Variants in KIAA0232 observed in about 807,000 individuals in gnomAD.
KIAA0232 encodes the protein KIAA0232.
KIAA0232 carries 27 observed loss-of-function variants against 122.0 expected under a neutral mutation model. The observed-to-expected ratio is 0.22, with a 90% CI of 0.16 to 0.31. The LOEUF is 0.31. Ranked by LOEUF, KIAA0232 falls within the 10% of genes least tolerant of loss-of-function variation. KIAA0232 has a pLI of 1.00. For missense variants in KIAA0232, 1,551 were observed against 1,634.2 expected (o/e 0.95, Z 0.88); for synonymous variants, 613 against 587.6 (o/e 1.04, Z -0.63).
At chr4:6,846,812 C>T (rs948015304) in intron 4 of KIAA0232, among the ~76,000 whole-genome samples, 24 of 152,014 alleles carry the variant, frequency 1.6e-4, no homozygotes, top group Admixed American at 9.8e-4. Flanking sequence ...GGACCTACAT[C>T]GAAAATTATA....
intron 2 of KIAA0232, among the ~76,000 whole-genome samples, chr4:6,809,186 T>C (rs937918273): frequency 1.3e-5 from 2 of 152,252 alleles, no homozygotes; most frequent in African/African-American, 4.8e-5. Context: ...TCTTTGATAG[T>C]TTGTCTGTGT....
intron 1 of KIAA0232, among the ~76,000 whole-genome samples, chr4:6,783,982 G>A (rs115407026): frequency 0.011 from 1,698 of 152,170 alleles, 34 homozygotes; most frequent in African/African-American, 0.037. Flanking sequence ...TGGTGCGCAG[G>A]TGACAGGACC....
chr4:6,807,670 G>C (rs1372133795), intron 2 of KIAA0232, among the ~76,000 whole-genome samples: 3 of 152,206 alleles, frequency 2.0e-5, no homozygotes, highest in African/African-American at 7.2e-5. Context: ...TTGGGTTGTA[G>C]ATTCTTTATG....
At chr4:6,828,724 A>C (rs1295040075) in intron 3 of KIAA0232, among the ~76,000 whole-genome samples, 1 of 151,954 alleles carries the variant, frequency 6.6e-6, no homozygotes, top group Non-Finnish European at 1.5e-5. Flanking sequence ...ACTCGAAGTG[A>C]CTCGTTGTTT....
intron 2 of KIAA0232, among the ~76,000 whole-genome samples, chr4:6,822,982 T>C (rs1275148505): frequency 2.0e-3 from 282 of 142,744 alleles, no homozygotes; most frequent in African/African-American, 6.9e-3. Context: ...CCTGTGTCCA[T>C]GTGTTCTCAT....
chr4:6,794,143 C>G (rs1447620995), intron 1 of KIAA0232, among the ~76,000 whole-genome samples: 2 of 152,116 alleles, frequency 1.3e-5, no homozygotes, highest in Non-Finnish European at 2.9e-5. Context: ...GGTCGGATTC[C>G]CGTGAAGAGA....
At chr4:6,783,525 G>C (rs1051061981) in intron 1 of KIAA0232, among the ~76,000 whole-genome samples, 14 of 152,196 alleles carry the variant, frequency 9.2e-5, no homozygotes, top group Non-Finnish European at 1.6e-4. Flanking sequence ...GGTCAGGCCG[G>C]CAGCCTGGGC....
intron 1 of KIAA0232, among the ~76,000 whole-genome samples, chr4:6,786,364 G>A (rs1433334367): frequency 6.6e-6 from 1 of 152,190 alleles, no homozygotes; most frequent in Non-Finnish European, 1.5e-5. Flanking sequence ...GTGCGGTGGT[G>A]TGATCGTGGC....
intron 1 of KIAA0232, among the ~76,000 whole-genome samples, chr4:6,793,043 A>G (rs1441512366): frequency 6.6e-6 from 1 of 152,094 alleles, no homozygotes; most frequent in Non-Finnish European, 1.5e-5. Flanking sequence ...GGGTCCCACA[A>G]ATTATGTAGC....
chr4:6,783,790 G>T (rs1206498792), intron 1 of KIAA0232, among the ~76,000 whole-genome samples: 1 of 152,170 alleles, frequency 6.6e-6, no homozygotes, highest in Non-Finnish European at 1.5e-5. Context: ...TCATCCGTGC[G>T]CTGCGCGGCA....
chr4:6,818,054 A>C (rs1019411609), intron 2 of KIAA0232, among the ~76,000 whole-genome samples: 7 of 152,034 alleles, frequency 4.6e-5, no homozygotes, highest in Admixed American at 3.9e-4. Context: ...TTGTGTCTTT[A>C]TATTTAAAGT....
intron 4 of KIAA0232, among the ~76,000 whole-genome samples, chr4:6,854,670 G>C (rs1221507784): frequency 9.2e-5 from 14 of 152,196 alleles, no homozygotes; most frequent in Non-Finnish European, 7.3e-5. Context: ...TTTTACATGT[G>C]TTGGATACTG....
Position 6,882,247 on chromosome 4 carries a change from C to T in KIAA0232, c.*1281C>T, listed in dbSNP as rs932171509. ...CATTGTTTTTCTTTTTTAACCAACT[C>T]ATTGTTTAAAAAACAAAAACAAAAA... On this transcript the variant is annotated 3_prime_UTR_variant, in exon 10 of 10. Transcript: ENST00000307659. The T allele has an allele frequency of 3.9e-5, 6 of 152,154 alleles. No individual in the cohort carries two copies. Among genetic ancestry groups the T allele is most frequent in the Non-Finnish European group, 7.4e-5 (5 of 68,024 alleles). 9.4% of individuals were successfully genotyped at this position (152,154 alleles called of 1,614,324 possible).
intron 3 of KIAA0232, among the ~76,000 whole-genome samples, chr4:6,840,074 G>T (rs1262149160): frequency 2.0e-5 from 3 of 152,116 alleles, no homozygotes. Flanking sequence ...ATAACTAAAA[G>T]TCCAGAAGTT....
At chr4:6,817,293 A>G (rs1407486645) in intron 2 of KIAA0232, among the ~76,000 whole-genome samples, 1 of 152,110 alleles carries the variant, frequency 6.6e-6, no homozygotes, top group East Asian at 1.9e-4. Context: ...GACTCGCTGC[A>G]GCCGCCTCCT....
At chr4:6,857,376 C>T in intron 5 of KIAA0232, 146 bp downstream of exon 5, 1 of 560,618 alleles carries the variant, frequency 1.8e-6, no homozygotes, top group Non-Finnish European at 3.0e-6. Context: ...CAGCCTCATG[C>T]TCCATCTGCA....
At chr4:6,846,029 G>A (rs1023697463) in intron 4 of KIAA0232, among the ~76,000 whole-genome samples, 1 of 151,838 alleles carries the variant, frequency 6.6e-6, no homozygotes, top group Non-Finnish European at 1.5e-5. Context: ...GGCTGTCATA[G>A]GCAGGATTTT....
At position 6,874,207 on chromosome 4, in the gene KIAA0232, G is replaced by C. The variant is rs928599283; in HGVS notation, c.3911-2453G>C. On this transcript the variant is annotated intron_variant, in intron 8 of 9. Coordinates refer to ENST00000307659, the MANE Select transcript of KIAA0232 (RefSeq NM_014743.3). ...AGCACTTGGGTTAGGCACTGTTCTA[G>C]ACTTGGGAATGCATAGGCAAACAGA... Among the ~76,000 whole-genome samples the C allele has an allele frequency of 7.9e-5, 12 of 152,230 alleles. No homozygotes were observed. The East Asian group carries it at 2.3e-3, about 29-fold the overall frequency.
chr4:6,790,392 CTTTTTTTT>C (rs10532360), intron 1 of KIAA0232, among the ~76,000 whole-genome samples: 14 of 109,366 alleles, frequency 1.3e-4, no homozygotes, highest in Admixed American at 3.6e-4. Context: ...TAAAAAAGGT[CTTTTTTTT>C]TTTTTTTTTT....
Sources: gnomAD v4.1 joint callset for allele counts (sites outside exome capture counted in the v4.1 genomes callset) on GRCh38, gnomAD v4.1.1 for gene constraint, MANE v1.5 for transcripts, NCBI Gene and HGNC (gene_info 2026-07-23, HGNC 2026-07-21) for gene names.